NELL2: variants seen among roughly 807,000 people sequenced by gnomAD.
The protein encoded by NELL2 is protein kinase C-binding protein NELL2.
NELL2 carries 41 observed loss-of-function variants against 109.6 expected under a neutral mutation model. The ratio of observed to expected loss-of-function variants is 0.37; its 90% CI spans 0.29 to 0.49. The LOEUF is 0.49. Ranked by LOEUF, NELL2 falls within the 20% of genes least tolerant of loss-of-function variation. The pLI is 0.98. For synonymous variants in NELL2, 355 were observed against 344.7 expected (o/e 1.03, Z -0.33); for missense variants, 900 against 1,008.3 (o/e 0.89, Z 1.45).
At chr12:44,828,064 T>C (rs1053309881) in intron 2 of NELL2, among the ~76,000 whole-genome samples, 2 of 152,248 alleles carry the variant, frequency 1.3e-5, no homozygotes, top group African/African-American at 4.8e-5. Context: ...TGATGATCAA[T>C]GATGTTGAGC....
At chr12:44,682,242 T>G (rs1307745109) in intron 12 of NELL2, among the ~76,000 whole-genome samples, 1 of 150,518 alleles carries the variant, frequency 6.6e-6, no homozygotes, top group Non-Finnish European at 1.5e-5. Flanking sequence ...GTTCATGTCC[T>G]TTGCCCACTT....
chr12:44,907,517 C>T (rs2136888248), intron 1 of NELL2, among the ~76,000 whole-genome samples: 1 of 151,966 alleles, frequency 6.6e-6, no homozygotes, highest in South Asian at 2.1e-4. Flanking sequence ...GTTACCTTGG[C>T]CAGAAATATT....
chr12:44,678,264 A>G (rs1158020112), intron 12 of NELL2, among the ~76,000 whole-genome samples: 1 of 152,118 alleles, frequency 6.6e-6, no homozygotes, highest in Non-Finnish European at 1.5e-5. Flanking sequence ...TGTTTCTTCA[A>G]GAAAGGAAAC....
rs530680676 is a variant in NELL2 at position 44,532,559 on chromosome 12, T to C, written c.1804+22A>G. ...AAGTTCAAGAGAAGTTCTTAAATTC[T>C]AGGTCTTCTCCTTGTACTGACCTTC... On this transcript the variant is annotated intron_variant, in intron 16 of 19. Transcript: ENST00000429094. 6.1e-5 allele frequency: 97 copies of C among 1,601,458 alleles called. 1 individual carries two copies. In the South Asian group the frequency reaches 9.6e-4, roughly 16 times the overall value.
At chr12:44,885,389 C>A (rs1945458988) in intron 1 of NELL2, among the ~76,000 whole-genome samples, 1 of 151,612 alleles carries the variant, frequency 6.6e-6, no homozygotes, top group Admixed American at 6.6e-5. Flanking sequence ...TTAAAAAATC[C>A]CAAAGCATAT....
At chr12:44,823,446 A>C (rs574283730) in intron 2 of NELL2, among the ~76,000 whole-genome samples, 1 of 152,090 alleles carries the variant, frequency 6.6e-6, no homozygotes, top group South Asian at 2.1e-4. Flanking sequence ...TGCTTCTATG[A>C]ATTCAATGTT....
intron 3 of NELL2, among the ~76,000 whole-genome samples, chr12:44,796,573 ACT>A (rs1356511755): frequency 1.3e-5 from 2 of 152,094 alleles, no homozygotes; most frequent in East Asian, 3.8e-4. Context: ...AGGCCAAACA[ACT>A]CTGTAGCTTA....
Position 44,577,465 on chromosome 12 carries a change from G to GTTTTTTT in NELL2, c.1663+29697_1663+29703dup, listed in dbSNP as rs746239984. 4.9e-4 allele frequency among the ~76,000 whole-genome samples: 41 copies of GTTTTTTT among 83,464 alleles called. 14 individuals are homozygous for GTTTTTTT. Among genetic ancestry groups the GTTTTTTT allele is most frequent in the African/African-American group, 2.8e-3 (40 of 14,154 alleles). 54.8% of individuals were successfully genotyped at this position (83,464 alleles called of 152,430 possible). On this transcript the variant is annotated intron_variant, in intron 15 of 19. Transcript: ENST00000429094. ...ATATTAGCCCTTTGTCAGATGAGTA[G>GTTTTTTT]TTTTTTTTTTTTTTTTTTTTTTTTT...
chr12:44,745,038 A>G (rs545214814), intron 9 of NELL2, among the ~76,000 whole-genome samples: 38 of 152,312 alleles, frequency 2.5e-4, no homozygotes, highest in African/African-American at 8.9e-4. Flanking sequence ...GATGAACATC[A>G]ATGCGAAAAT....
intron 15 of NELL2, among the ~76,000 whole-genome samples, chr12:44,598,454 C>T (rs1592181958): frequency 1.3e-5 from 2 of 152,092 alleles, no homozygotes; most frequent in South Asian, 4.1e-4. Flanking sequence ...TCCTATGTTC[C>T]TCCTCATTTA....
rs573794662 is a variant in NELL2 at position 44,592,781 on chromosome 12, T to A, written c.1663+14388A>T. Among the ~76,000 whole-genome samples the A allele has an allele frequency of 3.9e-5, 6 of 152,318 alleles. No homozygotes were observed. In the East Asian group the frequency reaches 1.2e-3, roughly 29 times the overall value. On this transcript the variant is annotated intron_variant, in intron 15 of 19. Coordinates refer to ENST00000429094, the MANE Select transcript of NELL2 (RefSeq NM_001145108.2). The stretch of plus-strand genomic sequence containing the variant: ...AAGTGAGCACATTGCTAGGGCTCTT[T>A]CCAAGGGCTGGAAAGAAGCCTGGTT...
intron 13 of NELL2, among the ~76,000 whole-genome samples, chr12:44,616,051 C>T (rs573032540): frequency 1.6e-4 from 24 of 152,244 alleles, no homozygotes; most frequent in African/African-American, 5.8e-4. Context: ...GAGTCTTCTC[C>T]TCTACCACCA....
chr12:44,682,474 T>C (rs1205686963), intron 12 of NELL2, among the ~76,000 whole-genome samples: 1 of 152,222 alleles, frequency 6.6e-6, no homozygotes, highest in East Asian at 1.9e-4. Context: ...TTTGGTGTTT[T>C]AGACATGAAG....
chr12:44,775,979 A>G, intron 8 of NELL2, 43 bp downstream of exon 8: 1 of 1,593,032 alleles, frequency 6.3e-7, no homozygotes, highest in Non-Finnish European at 8.5e-7. Context: ...AAAGAGTGGG[A>G]GCATCTGAGT....
At chr12:44,550,640 T>A (rs1377447765) in intron 15 of NELL2, among the ~76,000 whole-genome samples, 1 of 151,858 alleles carries the variant, frequency 6.6e-6, no homozygotes, top group East Asian at 1.9e-4. Flanking sequence ...AATGAACAGA[T>A]AAGGAAATTG....
chr12:44,875,627 T>C lies in NELL2; in HGVS notation c.55+188A>G, dbSNP rs1945295779. ...CTCCGACCCTGGACTAGGGGCGTGA[T>C]CCGCCTCGCGGTCTCCAAGGCAAGC... On this transcript the variant is annotated intron_variant, in intron 1 of 19. Coordinates refer to ENST00000429094, the MANE Select transcript of NELL2 (RefSeq NM_001145108.2). 4.4e-6 allele frequency: 7 copies of C among 1,608,888 alleles called. No individual in the cohort carries two copies. The African/African-American group carries it at 5.4e-5, about 12-fold the overall frequency.
chr12:44,872,608 T>C (rs1425956878), intron 2 of NELL2, among the ~76,000 whole-genome samples: 1 of 152,066 alleles, frequency 6.6e-6, no homozygotes, highest in African/African-American at 2.4e-5. Context: ...GGAAAGTATA[T>C]GTTGAGATTT....
chr12:44,837,382 C>G (rs1371098675), intron 2 of NELL2, among the ~76,000 whole-genome samples: 1 of 152,126 alleles, frequency 6.6e-6, no homozygotes, highest in Non-Finnish European at 1.5e-5. Context: ...TAAAATGTCT[C>G]CAGACAATGC....
intron 9 of NELL2, among the ~76,000 whole-genome samples, chr12:44,743,565 C>T (rs1940136070): frequency 6.6e-6 from 1 of 152,072 alleles, no homozygotes; most frequent in South Asian, 2.1e-4. Context: ...ATCTCACGTG[C>T]AGAGACACAC....
Sources: gnomAD v4.1 joint callset for allele counts (sites outside exome capture counted in the v4.1 genomes callset) on GRCh38, gnomAD v4.1.1 for gene constraint, MANE v1.5 for transcripts, NCBI Gene and HGNC (gene_info 2026-07-23, HGNC 2026-07-21) for gene names.